Variants in MYO1H observed in about 807,000 individuals in gnomAD.
MYO1H encodes unconventional myosin-Ih.
MYO1H carries 118 observed loss-of-function variants against 149.3 expected under a neutral mutation model. The ratio of observed to expected loss-of-function variants is 0.79; its 90% CI spans 0.68 to 0.92. MYO1H has a LOEUF of 0.92. Ranked by LOEUF, MYO1H falls within the 40% of genes least tolerant of loss-of-function variation. The probability of loss-of-function intolerance (pLI) is 0.00; values close to 1 mark genes in which losing one functional copy is unlikely to be tolerated. For missense variants in MYO1H, 1,212 were observed against 1,280.7 expected (o/e 0.95, Z 0.82); for synonymous variants, 447 against 465.2 (o/e 0.96, Z 0.50).
chr12:109,310,804 C>T, the MYO1H span, among the ~76,000 whole-genome samples: 1 of 152,180 alleles, frequency 6.6e-6, no homozygotes, highest in African/African-American at 2.4e-5. Context: ...AATAGATCAG[C>T]TTTCATTCTC....
chr12:109,353,348 T>A (rs1868505138), intron 1 of MYO1H, among the ~76,000 whole-genome samples: 1 of 130,622 alleles, frequency 7.7e-6, no homozygotes. Flanking sequence ...GAGCCGATAT[T>A]GCGCCATTGC....
At chr12:109,403,918 G>T in intron 6 of MYO1H, 64 bp from the exon 7 acceptor site, 3 of 1,092,872 alleles carry the variant, frequency 2.7e-6, no homozygotes, top group Non-Finnish European at 4.2e-6. Flanking sequence ...CTTCAGAGAG[G>T]AATAGACATG....
chr12:109,437,217 C>T (rs1042616399), intron 22 of MYO1H, among the ~76,000 whole-genome samples: 55 of 152,224 alleles, frequency 3.6e-4, no homozygotes, highest in African/African-American at 1.3e-3. Flanking sequence ...CTCCCACCCA[C>T]ACGCATACAT....
the MYO1H span, among the ~76,000 whole-genome samples, chr12:109,313,895 G>GT: frequency 2.0e-5 from 3 of 151,660 alleles, no homozygotes; most frequent in African/African-American, 7.3e-5. Flanking sequence ...TTTGTTTCTC[G>GT]TTTTTTTAGA....
At chr12:109,338,294 T>G in the MYO1H span, among the ~76,000 whole-genome samples, 1 of 152,136 alleles carries the variant, frequency 6.6e-6, no homozygotes, top group African/African-American at 2.4e-5. Flanking sequence ...CATTGTACTT[T>G]AACAACCTAG....
chr12:109,422,535 C>T (rs1871218137), intron 16 of MYO1H, among the ~76,000 whole-genome samples: 1 of 152,206 alleles, frequency 6.6e-6, no homozygotes, highest in African/African-American at 2.4e-5. Context: ...GACAGCGTTT[C>T]TCTAACAGCT....
chr12:109,400,680 A>T (rs1870124229), intron 5 of MYO1H, among the ~76,000 whole-genome samples: 1 of 152,232 alleles, frequency 6.6e-6, no homozygotes, highest in African/African-American at 2.4e-5. Flanking sequence ...TAGAGTTCAC[A>T]TGTACAGTCA....
chr12:109,440,813 G>C (rs1222519357), exon 25 of MYO1H: 1 of 1,561,682 alleles, frequency 6.4e-7, no homozygotes, highest in South Asian at 1.2e-5. Flanking sequence ...GATCACAGCT[G>C]AGCGGAAAGC....
chr12:109,347,658 A>G (rs1868365082), upstream of MYO1H, among the ~76,000 whole-genome samples: 2 of 151,348 alleles, frequency 1.3e-5, no homozygotes, highest in African/African-American at 2.4e-5. Flanking sequence ...ATAGTCAGTG[A>G]CTGGTCAGGA....
chr12:109,413,383 T>A (rs899054712), intron 14 of MYO1H, among the ~76,000 whole-genome samples: 1 of 152,226 alleles, frequency 6.6e-6, no homozygotes, highest in African/African-American at 2.4e-5. Context: ...AATTGCCTAG[T>A]GCAATCTCTG....
chr12:109,323,511 T>C, the MYO1H span, among the ~76,000 whole-genome samples: 3 of 152,214 alleles, frequency 2.0e-5, no homozygotes. Flanking sequence ...TTTCTCAAAC[T>C]TGCCAGCCTC....
intron 14 of MYO1H, among the ~76,000 whole-genome samples, chr12:109,414,191 T>G (rs992792438): frequency 1.4e-4 from 22 of 152,036 alleles, no homozygotes; most frequent in African/African-American, 5.3e-4. Context: ...AAATCAAGAA[T>G]CTGGCCAGAC....
chr12:109,367,696 C>T (rs1464009414), intron 1 of MYO1H, among the ~76,000 whole-genome samples: 1 of 151,690 alleles, frequency 6.6e-6, no homozygotes, highest in Non-Finnish European at 1.5e-5. Context: ...GGACTACAGG[C>T]GCCCGCCACC....
intron 3 of MYO1H, among the ~76,000 whole-genome samples, chr12:109,394,981 C>T (rs564587960): frequency 2.0e-5 from 3 of 152,244 alleles, no homozygotes; most frequent in Admixed American, 6.5e-5. Context: ...ATGCTGGTCT[C>T]GAACTCCTGG....
the MYO1H span, among the ~76,000 whole-genome samples, chr12:109,314,026 A>T: frequency 6.6e-6 from 1 of 152,020 alleles, no homozygotes; most frequent in East Asian, 1.9e-4. Context: ...CTGGGATTAC[A>T]GGCGCGCACC....
exon 12 of MYO1H, chr12:109,410,034 C>T (rs1178860947): frequency 6.5e-7 from 1 of 1,538,000 alleles, no homozygotes; most frequent in Non-Finnish European, 8.8e-7. Context: ...ACTCTAAAAG[C>T]AGAACAGGCA....
the MYO1H span, among the ~76,000 whole-genome samples, chr12:109,310,843 TGTTA>T: frequency 6.6e-6 from 1 of 152,190 alleles, no homozygotes; most frequent in African/African-American, 2.4e-5. Flanking sequence ...AGTTTACAGA[TGTTA>T]GTTGAGGTCA....
rs367826493 is a variant in MYO1H, at chr12:109,427,503, C to G, written c.1866C>G (p.Ile622Met). 4 of 1,612,550 alleles carry G rather than the reference C, an allele frequency of 2.5e-6. No homozygotes were observed. The African/African-American group carries it at 5.3e-5, about 22-fold the overall frequency. ...ATGACTTCCTCATAAGGCATCAGAT[C>G]AAATACCTGGGGCTGATGGAGCACC... The change falls in exon 19 of 32, where the codon ATC becomes ATG. Residue 622 changes from isoleucine to methionine, a missense_variant. Coordinates refer to ENST00000310903, the Ensembl canonical transcript of MYO1H.
At chr12:109,347,851 A>T, upstream of MYO1H, 1 of 398,750 alleles carries the variant, frequency 2.5e-6, no homozygotes, top group Non-Finnish European at 4.4e-6. Context: ...GAATCGCCTC[A>T]TACCTTGTTG....
Sources: allele counts gnomAD v4.1 joint callset (sites outside exome capture counted in the v4.1 genomes callset), GRCh38; gene constraint gnomAD v4.1.1; transcripts MANE v1.5; gene names NCBI Gene and HGNC (gene_info 2026-07-23, HGNC 2026-07-21).